KLHL3: variants seen among roughly 807,000 people sequenced by gnomAD.
The protein encoded by KLHL3 is kelch-like protein 3.
Under a neutral mutation model 70.5 loss-of-function variants are expected in KLHL3, and 19 were observed. The ratio of observed to expected loss-of-function variants is 0.27; its 90% CI spans 0.19 to 0.40. The LOEUF (loss-of-function observed/expected upper bound fraction) is 0.40, where lower values mean the gene tolerates loss of function less well. Among genes scored for constraint, KLHL3 ranks in the 10% least tolerant of loss-of-function variants. The pLI, the probability that KLHL3 is intolerant of heterozygous loss-of-function variation, is 1.00. For missense variants in KLHL3, 512 were observed against 771.1 expected (o/e 0.66, Z 3.98); for synonymous variants, 258 against 290.3 (o/e 0.89, Z 1.13).
In KLHL3 at chr5:137,617,658, A is replaced by G. The variant is rs1455704403; in HGVS notation, c.*4440T>C. The G allele has an allele frequency of 6.6e-6, 1 of 152,230 alleles. No homozygotes were observed. The highest frequency in any genetic ancestry group is 1.5e-5 in the Non-Finnish European group (1 of 68,036). The allele number at this position is 152,230 out of a possible 1,614,324, so 9.4% of individuals were successfully genotyped here. On this transcript the variant is annotated 3_prime_UTR_variant, in exon 15 of 15. Coordinates refer to ENST00000309755, the MANE Select transcript of KLHL3 (RefSeq NM_017415.3). The stretch of plus-strand genomic sequence containing the variant: ...ACAAGATATACAGTCCCTAACAGCC[A>G]CGCAGAGAACACCAGATCGAGGATC...
chr5:137,719,445 A>C (rs1752955998), intron 2 of KLHL3, among the ~76,000 whole-genome samples: 1 of 152,234 alleles, frequency 6.6e-6, no homozygotes, highest in South Asian at 2.1e-4. Flanking sequence ...ATTACACCTC[A>C]CAACAGGATG....
chr5:137,702,179 G>C (rs776335538), intron 3 of KLHL3, among the ~76,000 whole-genome samples: 1 of 152,166 alleles, frequency 6.6e-6, no homozygotes, highest in Non-Finnish European at 1.5e-5. Flanking sequence ...TGTTAGAAAA[G>C]GGGATGTAGC....
intron 10 of KLHL3, among the ~76,000 whole-genome samples, chr5:137,637,763 TA>T (rs1750807596): frequency 6.6e-6 from 1 of 152,210 alleles, no homozygotes; most frequent in East Asian, 1.9e-4. Flanking sequence ...TCCTCTATCT[TA>T]GCAGTGGAAA....
At chr5:137,660,656 G>A (rs577714858) in intron 7 of KLHL3, 1 of 152,186 alleles carries the variant, frequency 6.6e-6, no homozygotes, top group Non-Finnish European at 1.5e-5. Context: ...ATCTACAAGT[G>A]TTACCAGCAG....
chr5:137,668,343 G>A (rs536460707), intron 6 of KLHL3, among the ~76,000 whole-genome samples: 78 of 152,218 alleles, frequency 5.1e-4, no homozygotes, highest in African/African-American at 1.8e-3. Flanking sequence ...CCCAGGAGGC[G>A]GACGTTGCAG....
chr5:137,731,096 T>C (rs1753166378), intron 1 of KLHL3, among the ~76,000 whole-genome samples: 1 of 152,132 alleles, frequency 6.6e-6, no homozygotes, highest in African/African-American at 2.4e-5. Flanking sequence ...TAGGAAAACT[T>C]ACACAAAAAT....
chr5:137,688,167 A>AAAAATAAAATAAAAT lies in KLHL3; in HGVS notation c.526+4103_526+4117dup, dbSNP rs201162792. ...AAACACCCAAGAATGATCAATAAAA[A>AAAAATAAAATAAAAT]AAAATAAAATAAAATAAAATAAAAT... On this transcript the variant is annotated intron_variant, in intron 5 of 14. Coordinates refer to ENST00000309755, the MANE Select transcript of KLHL3 (RefSeq NM_017415.3). Among the ~76,000 whole-genome samples, 34 of 144,532 alleles carry AAAAATAAAATAAAAT rather than the reference A, an allele frequency of 2.4e-4. 13 individuals are homozygous for AAAAATAAAATAAAAT. Among genetic ancestry groups the AAAAATAAAATAAAAT allele is most frequent in the African/African-American group, 8.5e-4 (32 of 37,622 alleles). 94.8% of individuals were successfully genotyped at this position (144,532 alleles called of 152,430 possible).
Position 137,639,254 on chromosome 5 carries a change from C to T in KLHL3, c.1022-104G>A, listed in dbSNP as rs1322245261. ...AAGACAGACACAGGAAAAGTCGCCA[C>T]CGAAGATACTTTAGGTATTTGGCAG... is the stretch of plus-strand genomic sequence containing the variant. On this transcript the variant is annotated intron_variant, in intron 9 of 14. Transcript: ENST00000309755. The surrounding 1 kb of genome is among the most constrained non-coding windows in gnomAD (Gnocchi z 5.0). 7 of 1,051,262 alleles carry T rather than the reference C, an allele frequency of 6.7e-6. No individual in the cohort carries two copies. Among genetic ancestry groups the T allele is most frequent in the African/African-American group, 1.6e-5 (1 of 63,472 alleles). The allele number at this position is 1,051,262 out of a possible 1,614,324, so 65.1% of individuals were successfully genotyped here.
At chr5:137,707,803 A>C (rs900537691) in intron 3 of KLHL3, among the ~76,000 whole-genome samples, 13 of 152,140 alleles carry the variant, frequency 8.5e-5, no homozygotes, top group African/African-American at 3.1e-4. Context: ...CAATTTGTAA[A>C]ATCACTTTGG....
intron 6 of KLHL3, 90 bp from the exon 7 acceptor site, chr5:137,662,121 A>AGG: frequency 1.5e-6 from 1 of 689,110 alleles, no homozygotes; most frequent in Non-Finnish European, 2.5e-6. Context: ...AAAAAGAGAG[A>AGG]GAGAAAAAGT....
intron 2 of KLHL3, among the ~76,000 whole-genome samples, chr5:137,712,653 C>G (rs1752816172): frequency 6.6e-6 from 1 of 152,148 alleles, no homozygotes; most frequent in African/African-American, 2.4e-5. Flanking sequence ...TTTTTCCGAG[C>G]TATCACACTA....
intron 5 of KLHL3, among the ~76,000 whole-genome samples, chr5:137,686,522 T>C (rs1056151709): frequency 6.6e-6 from 1 of 152,228 alleles, no homozygotes; most frequent in Non-Finnish European, 1.5e-5. Flanking sequence ...TCCTTGTAGT[T>C]TGTTGGCATG....
chr5:137,687,183 G>T (rs1287545003), intron 5 of KLHL3, among the ~76,000 whole-genome samples: 11 of 52,266 alleles, frequency 2.1e-4, no homozygotes, highest in African/African-American at 4.4e-4. Flanking sequence ...CCTCTGCCCG[G>T]CTGCCCCTAC....
At chr5:137,728,576 A>G (rs1434788156) in intron 1 of KLHL3, among the ~76,000 whole-genome samples, 1 of 152,180 alleles carries the variant, frequency 6.6e-6, no homozygotes, top group Non-Finnish European at 1.5e-5. Context: ...CAACTAGAGA[A>G]GAGGGAAGAA....
intron 8 of KLHL3, chr5:137,647,769 T>G: frequency 2.8e-6 from 1 of 361,146 alleles, no homozygotes. Context: ...AAAATGGGGG[T>G]CTGAGAACCA....
At chr5:137,690,052 G>T (rs960179140) in intron 5 of KLHL3, among the ~76,000 whole-genome samples, 8 of 152,258 alleles carry the variant, frequency 5.3e-5, no homozygotes, top group African/African-American at 1.7e-4. Flanking sequence ...TGCAGGCCAG[G>T]CACAGTGGCT....
intron 5 of KLHL3, among the ~76,000 whole-genome samples, 166 bp from the exon 6 acceptor site, chr5:137,677,820 T>C (rs1482851554): frequency 6.6e-6 from 1 of 151,780 alleles, no homozygotes; most frequent in African/African-American, 2.4e-5. Context: ...TGGAGGGAAA[T>C]TTGCCTTTTA....
Position 137,663,910 on chromosome 5 carries a change from G to A in KLHL3, c.637-1879C>T, listed in dbSNP as rs551416444. Among the ~76,000 whole-genome samples, 5 of 152,194 alleles carry A rather than the reference G, an allele frequency of 3.3e-5. No individual in the cohort carries two copies. In the East Asian group the frequency reaches 9.6e-4, roughly 29 times the overall value. ...GTGCTGCCTCTTTGAGGGGAAGGAG[G>A]GTCAGGGAATGGCTGAAAAAGGTTC... is the stretch of plus-strand genomic sequence containing the variant. On this transcript the variant is annotated intron_variant, in intron 6 of 14. Coordinates refer to ENST00000309755, the MANE Select transcript of KLHL3 (RefSeq NM_017415.3).
chr5:137,644,505 T>A (rs1750994487), intron 8 of KLHL3, among the ~76,000 whole-genome samples: 1 of 152,250 alleles, frequency 6.6e-6, no homozygotes, highest in Middle Eastern at 3.2e-3. Flanking sequence ...CTCTTCAACA[T>A]GCTGATTTAA....
Sources: gnomAD v4.1 joint callset for allele counts (sites outside exome capture counted in the v4.1 genomes callset) on GRCh38, gnomAD v4.1.1 for gene constraint, Gnocchi (gnomAD v3.1) non-coding constraint, MANE v1.5 for transcripts, NCBI Gene and HGNC (gene_info 2026-07-23, HGNC 2026-07-21) for gene names.